FLACC1: variants seen among roughly 807,000 people sequenced by gnomAD.
FLACC1 encodes flagellum associated containing coiled-coil domains 1, also known as flagellum-associated coiled-coil domain-containing protein 1.
A neutral mutation model predicts 62.8 loss-of-function variants in FLACC1; 66 were observed. The observed-to-expected ratio is 1.05, with a 90% CI of 0.86 to 1.29. The LOEUF (loss-of-function observed/expected upper bound fraction) is 1.29. Ranked by LOEUF, FLACC1 falls within the 50% of genes most tolerant of loss-of-function variation. FLACC1 has a pLI of 0.00. For synonymous variants in FLACC1, 156 were observed against 161.0 expected, an observed-to-expected ratio of 0.97 and a Z score of 0.24; for missense variants, 452 against 489.1, an observed-to-expected ratio of 0.92 and a Z score of 0.71.
rs867293421 is a variant in FLACC1, at chr2:201,351,458, T to C, written c.-47-7A>G. The stretch of plus-strand genomic sequence containing the variant: ...CTAGATCAGGAGGCTCTTGCTGAAA[T>C]TGAAAAACAACAGCAGAAGGTTAAA... On this transcript the variant is annotated splice_region_variant and splice_polypyrimidine_tract_variant and intron_variant, in intron 1 of 14. Transcript: ENST00000392257. The C allele has an allele frequency of 1.1e-5, 15 of 1,356,492 alleles. No homozygotes were observed. Among genetic ancestry groups the C allele is most frequent in the South Asian group, 9.5e-5 (8 of 83,834 alleles). The allele number at this position is 1,356,492 out of a possible 1,614,324, so 84.0% of individuals were successfully genotyped here.
intron 1 of FLACC1, 125 bp from the exon 2 acceptor site, chr2:201,351,576 G>C (rs182274999): frequency 3.3e-6 from 2 of 606,646 alleles, no homozygotes; most frequent in Middle Eastern, 8.9e-4. Context: ...TGTTGATCTG[G>C]TGCAGGGTCT....
intron 9 of FLACC1, among the ~76,000 whole-genome samples, chr2:201,313,576 G>A (rs530940442): frequency 3.4e-4 from 51 of 152,218 alleles, no homozygotes; most frequent in African/African-American, 1.2e-3. Flanking sequence ...AGAAGAGTCT[G>A]AGCTCAGACA....
chr2:201,343,483 G>A (rs1331085129), intron 6 of FLACC1, among the ~76,000 whole-genome samples: 1 of 152,114 alleles, frequency 6.6e-6, no homozygotes, highest in Non-Finnish European at 1.5e-5. Context: ...TCATAAGCTG[G>A]GTCACTGTAG....
At chr2:201,330,142 C>T (rs1293538116) in intron 9 of FLACC1, among the ~76,000 whole-genome samples, 1 of 152,130 alleles carries the variant, frequency 6.6e-6, no homozygotes, top group Non-Finnish European at 1.5e-5. Flanking sequence ...ATCTCAACTG[C>T]AGTTCTAACA....
intron 10 of FLACC1, among the ~76,000 whole-genome samples, chr2:201,308,205 C>A (rs1285309698): frequency 1.3e-5 from 2 of 152,184 alleles, no homozygotes; most frequent in Non-Finnish European, 2.9e-5. Context: ...GAATTCTGGT[C>A]TTCCAAAACT....
chr2:201,344,478 T>A (rs1950875240), intron 5 of FLACC1, among the ~76,000 whole-genome samples: 1 of 152,166 alleles, frequency 6.6e-6, no homozygotes, highest in Non-Finnish European at 1.5e-5. Flanking sequence ...CAGATCTGGC[T>A]CTTGTGGGTA....
intron 12 of FLACC1, among the ~76,000 whole-genome samples, chr2:201,294,986 T>C (rs1162847680): frequency 6.8e-6 from 1 of 148,114 alleles, no homozygotes; most frequent in Admixed American, 6.7e-5. Context: ...GACCTCTTCG[T>C]TGACCACTGC....
the FLACC1 span, among the ~76,000 whole-genome samples, chr2:201,363,240 T>C: frequency 6.6e-6 from 1 of 151,172 alleles, no homozygotes; most frequent in African/African-American, 2.4e-5. Flanking sequence ...ACCCCCTTCC[T>C]TGGATCAGCA....
chr2:201,359,608 T>C (rs1000211649), upstream of FLACC1, among the ~76,000 whole-genome samples: 5 of 152,148 alleles, frequency 3.3e-5, no homozygotes, highest in Admixed American at 2.6e-4. Flanking sequence ...ATTAACCTCA[T>C]GAAATAGAGT....
In FLACC1 at chr2:201,330,747, T is replaced by C. The variant is rs2125593398; in HGVS notation, c.611A>G (p.Gln204Arg). The C allele has an allele frequency of 6.2e-7, 1 of 1,613,962 alleles. No individual in the cohort carries two copies. The highest frequency in any genetic ancestry group is 8.5e-7 in the Non-Finnish European group (1 of 1,179,980). The change falls in exon 8 of 15, where the codon CAA becomes CGA. Residue 204 changes from glutamine (Q) to arginine (R), a missense_variant. Physicochemically the swap from Gln to Arg is conservative, Grantham distance 43. Around this residue, in one of 3 missense-constraint regions of FLACC1, gnomAD observed 301 missense variants for 318.4 expected, o/e 0.95. Coordinates refer to ENST00000392257, the MANE Select transcript of FLACC1 (RefSeq NM_001127391.3). ...AALKAEKLAAQEKLEEMGKEY... is the reference protein window; with the variant it reads ...AALKAEKLAAREKLEEMGKEY... ...GGTCCCAGCAGTACCTAGCTTCTCT[T>C]GGGCAGCCAACTTCTCTGCCTTCAA...
At chr2:201,295,148 A>T (rs2125539091) in intron 12 of FLACC1, among the ~76,000 whole-genome samples, 1 of 152,326 alleles carries the variant, frequency 6.6e-6, no homozygotes, top group Admixed American at 6.5e-5. Context: ...TCTTCACAGA[A>T]TTGGAAAAAA....
chr2:201,361,659 G>C (rs554642014), upstream of FLACC1, among the ~76,000 whole-genome samples: 5 of 152,288 alleles, frequency 3.3e-5, no homozygotes, highest in African/African-American at 1.2e-4. Context: ...TTGTTTGAGA[G>C]ATGGTAAAAA....
chr2:201,294,459 C>T (rs1453488076), intron 12 of FLACC1, among the ~76,000 whole-genome samples: 2 of 152,088 alleles, frequency 1.3e-5, no homozygotes, highest in Non-Finnish European at 2.9e-5. Context: ...AGGCCTTCAA[C>T]AAAATTCGAA....
intron 7 of FLACC1, among the ~76,000 whole-genome samples, chr2:201,333,857 A>G (rs1455792195): frequency 6.6e-6 from 1 of 152,168 alleles, no homozygotes; most frequent in Non-Finnish European, 1.5e-5. Flanking sequence ...TAGTGCCACA[A>G]TAAACATACG....
chr2:201,309,508 T>C (rs1215496121), intron 9 of FLACC1, among the ~76,000 whole-genome samples: 1 of 152,122 alleles, frequency 6.6e-6, no homozygotes, highest in African/African-American at 2.4e-5. Context: ...CTATGCACAG[T>C]GTTTGCCCCA....
intron 1 of FLACC1, among the ~76,000 whole-genome samples, chr2:201,356,192 C>T (rs1287104255): frequency 6.6e-6 from 1 of 152,080 alleles, no homozygotes; most frequent in Non-Finnish European, 1.5e-5. Flanking sequence ...CGGAGTTTTG[C>T]TCTTGTTGCC....
intron 7 of FLACC1, among the ~76,000 whole-genome samples, chr2:201,338,415 T>C (rs547117989): frequency 4.6e-5 from 7 of 152,316 alleles, no homozygotes; most frequent in Admixed American, 1.3e-4. Flanking sequence ...GGGATTGCTC[T>C]GGCTAGGACT....
chr2:201,304,918 A>T (rs1234136142), intron 11 of FLACC1, among the ~76,000 whole-genome samples: 1 of 152,238 alleles, frequency 6.6e-6, no homozygotes, highest in African/African-American at 2.4e-5. Flanking sequence ...CTTACATCTT[A>T]TACAAAAATT....
chr2:201,313,642 A>G lies in FLACC1; in HGVS notation c.676-4392T>C, dbSNP rs550069495. On this transcript the variant is annotated intron_variant, in intron 9 of 14. Coordinates refer to ENST00000392257, the MANE Select transcript of FLACC1 (RefSeq NM_001127391.3). ...TTCCTACTCACCCTGGTAGCTGAAG[A>G]CAAAGGGCATATACTCTTGGGAGTT... Among the ~76,000 whole-genome samples, 490 of 152,250 alleles carry G rather than the reference A, an allele frequency of 3.2e-3. 1 individual carries two copies. The highest frequency in any genetic ancestry group is 0.011 in the African/African-American group (459 of 41,536).
Sources: allele counts gnomAD v4.1 joint callset (sites outside exome capture counted in the v4.1 genomes callset), GRCh38; gene constraint gnomAD v4.1.1; regional missense constraint gnomAD v4.1.1; transcripts MANE v1.5; gene names NCBI Gene and HGNC (gene_info 2026-07-23, HGNC 2026-07-21).